The following MYO3B variants were observed in gnomAD, a reference collection of about 807,000 sequenced individuals.
MYO3B encodes myosin-IIIb.
In MYO3B, 156 loss-of-function variants were observed where a neutral mutation model predicts 174.6. The observed-to-expected ratio is 0.89, with a 90% confidence interval of 0.78 to 1.02. MYO3B has a LOEUF of 1.02. MYO3B is among the 50% of genes least tolerant of loss of function. The pLI, the probability that MYO3B is intolerant of heterozygous loss-of-function variation, is 0.00. For missense variants in MYO3B, 1,632 were observed against 1,639.4 expected (o/e 1.00, Z 0.08); for synonymous variants, 563 against 569.1 (o/e 0.99, Z 0.15).
chr2:170,469,585 T>C lies in MYO3B; in HGVS notation c.3014+2874T>C, dbSNP rs118018245. Among the ~76,000 whole-genome samples the C allele has an allele frequency of 6.6e-4, 101 of 152,290 alleles. No homozygotes were observed. In the East Asian group the frequency reaches 0.016, roughly 24 times the overall value. On this transcript the variant is annotated intron_variant, in intron 25 of 34. Coordinates refer to ENST00000408978, the MANE Select transcript of MYO3B (RefSeq NM_138995.5). ...TCTTTCATCTCATTCTCCTTTCTGT[T>C]CCTTCACTCTCTCTCTTCCAGAAAC...
chr2:170,379,440 G>A (rs912088675), intron 9 of MYO3B, among the ~76,000 whole-genome samples: 4 of 152,196 alleles, frequency 2.6e-5, no homozygotes, highest in African/African-American at 7.2e-5. Context: ...TGATCCACCC[G>A]CCTTGGCCGC....
In MYO3B at chr2:170,264,266, C is replaced by T. The variant is rs530065555; in HGVS notation, c.749+28130C>T. ...TTTCCCCACATTCGTTTAAATGCCC[C>T]AGTGCTCTGTTACATGGCCTCCTTT... On this transcript the variant is annotated intron_variant, in intron 7 of 34. Transcript: ENST00000408978. 2.0e-5 allele frequency among the ~76,000 whole-genome samples: 3 copies of T among 152,314 alleles called. No individual in the cohort carries two copies. The East Asian group carries it at 5.8e-4, about 29-fold the overall frequency.
intron 23 of MYO3B, among the ~76,000 whole-genome samples, chr2:170,458,855 A>G (rs544484351): frequency 8.1e-4 from 123 of 152,358 alleles, no homozygotes; most frequent in African/African-American, 2.1e-3. Flanking sequence ...CCAACCGAAG[A>G]CCTTTTTAAA....
chr2:170,470,988 C>G (rs569128498), intron 25 of MYO3B, among the ~76,000 whole-genome samples: 1 of 150,454 alleles, frequency 6.6e-6, no homozygotes, highest in Non-Finnish European at 1.5e-5. Context: ...CTCTCTCTCT[C>G]TCTTTTTTTT....
At chr2:170,328,928 G>A (rs2093889749) in intron 7 of MYO3B, among the ~76,000 whole-genome samples, 1 of 152,114 alleles carries the variant, frequency 6.6e-6, no homozygotes, top group South Asian at 2.1e-4. Flanking sequence ...ACTTTGGGAG[G>A]CCAAGGCAGA....
chr2:170,556,802 G>C (rs779427284), intron 32 of MYO3B, among the ~76,000 whole-genome samples: 2 of 152,172 alleles, frequency 1.3e-5, no homozygotes, highest in Non-Finnish European at 2.9e-5. Flanking sequence ...GATTACAGGC[G>C]TGAGCCACTG....
intron 8 of MYO3B, chr2:170,350,900 A>T (rs546921214): frequency 6.6e-6 from 1 of 152,208 alleles, no homozygotes; most frequent in African/African-American, 2.4e-5. Flanking sequence ...TCCGTGGAAG[A>T]TATTTTCTGT....
At chr2:170,483,846 C>A (rs1363704608) in intron 25 of MYO3B, among the ~76,000 whole-genome samples, 1 of 152,214 alleles carries the variant, frequency 6.6e-6, no homozygotes. Context: ...GCAGACCTGG[C>A]TCTTCAGTCA....
At chr2:170,472,509 C>G (rs1414470987) in intron 25 of MYO3B, among the ~76,000 whole-genome samples, 1 of 152,136 alleles carries the variant, frequency 6.6e-6, no homozygotes, top group East Asian at 1.9e-4. Flanking sequence ...TTTGACCAGG[C>G]ATTAACTTTT....
intron 7 of MYO3B, among the ~76,000 whole-genome samples, chr2:170,326,524 G>A (rs1438741342): frequency 6.6e-6 from 1 of 151,476 alleles, no homozygotes; most frequent in Non-Finnish European, 1.5e-5. Flanking sequence ...ATTAAAGAAT[G>A]GATGTCAGTA....
intron 22 of MYO3B, among the ~76,000 whole-genome samples, chr2:170,415,826 A>G (rs1280800264): frequency 6.6e-6 from 1 of 152,004 alleles, no homozygotes; most frequent in Non-Finnish European, 1.5e-5. Context: ...GGTATTTCTC[A>G]TGTCTTCTGC....
intron 7 of MYO3B, among the ~76,000 whole-genome samples, chr2:170,256,933 A>C (rs1267382825): frequency 2.6e-5 from 4 of 152,188 alleles, no homozygotes; most frequent in Non-Finnish European, 5.9e-5. Flanking sequence ...GAAAAATAAA[A>C]AAGAGCAGGG....
chr2:170,337,707 G>A (rs187436825), intron 8 of MYO3B: 5 of 152,264 alleles, frequency 3.3e-5, no homozygotes, highest in South Asian at 4.2e-4. Context: ...ACTGTTGACT[G>A]GAAGCCTTGC....
At chr2:170,377,549 C>A (rs2094303851) in intron 9 of MYO3B, among the ~76,000 whole-genome samples, 1 of 152,130 alleles carries the variant, frequency 6.6e-6, no homozygotes, top group Admixed American at 6.5e-5. Flanking sequence ...ACCAGTTTCC[C>A]CTTTACCTGA....
chr2:170,649,362 T>TATAAAATAATATAATATATATTA (rs1559202587), intron 32 of MYO3B, among the ~76,000 whole-genome samples: 1 of 48,924 alleles, frequency 2.0e-5, no homozygotes, highest in African/African-American at 8.4e-5. Flanking sequence ...ATATAATATA[T>TATAAAATAATATAATATATATTA]TATATAAAAA....
At chr2:170,236,925 C>T (rs1389901177) in intron 7 of MYO3B, among the ~76,000 whole-genome samples, 1 of 152,216 alleles carries the variant, frequency 6.6e-6, no homozygotes, top group Non-Finnish European at 1.5e-5. Context: ...TCTGCACAAT[C>T]ACACAGCTAT....
chr2:170,508,209 C>T (rs978070990), intron 28 of MYO3B, among the ~76,000 whole-genome samples: 17 of 152,122 alleles, frequency 1.1e-4, no homozygotes, highest in Admixed American at 1.1e-3. Context: ...CATTATGAAC[C>T]TTGTTTAGCA....
intron 32 of MYO3B, among the ~76,000 whole-genome samples, chr2:170,623,986 T>C (rs935694194): frequency 6.6e-5 from 10 of 152,332 alleles, no homozygotes; most frequent in Admixed American, 5.9e-4. Context: ...CCTCGTAGTA[T>C]AGTTTGAAGT....
chr2:170,213,249 T>C (rs559627674), intron 3 of MYO3B, among the ~76,000 whole-genome samples: 13 of 152,098 alleles, frequency 8.5e-5, no homozygotes, highest in Non-Finnish European at 1.6e-4. Flanking sequence ...GCCGGGAGCA[T>C]CGGGCAAGAC....
Sources: allele counts gnomAD v4.1 joint callset (sites outside exome capture counted in the v4.1 genomes callset), GRCh38; gene constraint gnomAD v4.1.1; transcripts MANE v1.5; gene names NCBI Gene and HGNC (gene_info 2026-07-23, HGNC 2026-07-21).